Variants in TUBA1C observed in about 807,000 individuals in gnomAD.
TUBA1C encodes the protein tubulin alpha-1C chain.
TUBA1C carries 16 observed loss-of-function variants against 34.9 expected under a neutral mutation model. That is an observed-to-expected ratio of 0.46 (90% confidence interval 0.31 to 0.70). TUBA1C has a LOEUF of 0.70. Ranked by LOEUF, TUBA1C falls within the 30% of genes least tolerant of loss-of-function variation. The pLI is 0.05. For missense variants in TUBA1C, 329 were observed against 587.3 expected, an observed-to-expected ratio of 0.56 and a Z score of 4.55; for synonymous variants, 177 against 215.9, an observed-to-expected ratio of 0.82 and a Z score of 1.58.
chr12:49,270,934 G>C (rs1199285862), intron 3 of TUBA1C, among the ~76,000 whole-genome samples: 4 of 152,024 alleles, frequency 2.6e-5, no homozygotes, highest in East Asian at 3.9e-4. Context: ...AGCCGAGATC[G>C]TGCCACTGCA....
At chr12:49,259,067 A>T (rs1257026084) in intron 1 of TUBA1C, among the ~76,000 whole-genome samples, 1 of 151,954 alleles carries the variant, frequency 6.6e-6, no homozygotes, top group Non-Finnish European at 1.5e-5. Context: ...CCAAAAATGA[A>T]AAATTTTTTT....
At chr12:49,267,303 A>T (rs1942927648) in intron 1 of TUBA1C, among the ~76,000 whole-genome samples, 1 of 152,240 alleles carries the variant, frequency 6.6e-6, no homozygotes, top group African/African-American at 2.4e-5. Flanking sequence ...GGGGGCCATC[A>T]TGATCAGGTA....
chr12:49,243,886 G>A (rs1409596208), intron 1 of TUBA1C, among the ~76,000 whole-genome samples: 3 of 151,984 alleles, frequency 2.0e-5, no homozygotes, highest in Admixed American at 6.6e-5. Flanking sequence ...ATGGTGGCTC[G>A]TGCCTATAAT....
chr12:49,249,316 A>G (rs1942708879), intron 1 of TUBA1C, among the ~76,000 whole-genome samples: 1 of 151,968 alleles, frequency 6.6e-6, no homozygotes, highest in Non-Finnish European at 1.5e-5. Context: ...AATCCCAGGT[A>G]CTCGGGAGGT....
At chr12:49,252,829 C>T (rs1942744553) in intron 1 of TUBA1C, among the ~76,000 whole-genome samples, 1 of 152,172 alleles carries the variant, frequency 6.6e-6, no homozygotes, top group Admixed American at 6.6e-5. Flanking sequence ...AGGAGAATCA[C>T]TTGAACCCGG....
intron 1 of TUBA1C, among the ~76,000 whole-genome samples, chr12:49,242,646 T>C (rs1238003575): frequency 6.6e-6 from 1 of 151,780 alleles, no homozygotes; most frequent in African/African-American, 2.4e-5. Flanking sequence ...TTCCAGCTAA[T>C]TTTTTTGTTG....
At chr12:49,258,794 G>A (rs960839962) in intron 1 of TUBA1C, among the ~76,000 whole-genome samples, 2 of 144,854 alleles carry the variant, frequency 1.4e-5, no homozygotes, top group Non-Finnish European at 3.0e-5. Flanking sequence ...TTTGCTCTTG[G>A]TGCCCAGGCT....
chr12:49,240,334 A>G (rs1942601954), intron 1 of TUBA1C, among the ~76,000 whole-genome samples: 1 of 151,376 alleles, frequency 6.6e-6, no homozygotes, highest in South Asian at 2.1e-4. Context: ...CACTAAATTC[A>G]GTAGTTTCTA....
At chr12:49,252,725 C>G (rs910438716) in intron 1 of TUBA1C, among the ~76,000 whole-genome samples, 2 of 152,162 alleles carry the variant, frequency 1.3e-5, no homozygotes, top group Non-Finnish European at 2.9e-5. Flanking sequence ...TCCTCACTAA[C>G]ATGGTGAAAC....
intron 1 of TUBA1C, among the ~76,000 whole-genome samples, chr12:49,237,733 C>T (rs557433014): frequency 1.1e-4 from 15 of 139,482 alleles, no homozygotes; most frequent in African/African-American, 4.1e-4. Flanking sequence ...GACAGAGACC[C>T]TGTCAAAAAA....
At position 49,269,654 on chromosome 12, in the gene TUBA1C, G is replaced by A; in HGVS notation, c.193G>A (p.Ala65Thr). The A allele has an allele frequency of 2.5e-6, 4 of 1,614,188 alleles. No individual in the cohort carries two copies. Among genetic ancestry groups the A allele is most frequent in the Non-Finnish European group, 3.4e-6 (4 of 1,180,030 alleles). ...GGGTGCTGGCAAGCATGTGCCCCGG[G>A]CAGTGTTTGTAGACTTGGAACCCAC... is the stretch of plus-strand genomic sequence containing the variant. ...ETGAGKHVPR[A>T]VFVDLEPTVI... The change falls in exon 2 of 4, where the codon GCA (alanine) becomes ACA (threonine). Residue 65 changes from alanine (A) to threonine (T), a missense_variant. Ala to Thr is a moderately conservative substitution (Grantham distance 58). Around this residue, in one of 4 missense-constraint regions of TUBA1C, gnomAD observed 152 missense variants for 240.3 expected, o/e 0.63. Coordinates refer to ENST00000301072, the MANE Select transcript of TUBA1C (RefSeq NM_032704.5).
chr12:49,273,142 G>A lies in TUBA1C; in HGVS notation c.1265G>A (p.Arg422His), dbSNP rs767307060. The stretch of plus-strand genomic sequence containing the variant: ...GAGGAAGGCGAGTTTTCAGAGGCCC[G>A]TGAGGACATGGCTGCCCTTGAGAAG... ...GMEEGEFSEA[R>H]EDMAALEKDY... Residue 422 changes from arginine (R) to histidine (H), a missense_variant, in exon 4 of 4, where the codon CGT becomes CAT. By Grantham distance (29) the Arg-to-His change is conservative. Coordinates refer to ENST00000301072, the MANE Select transcript of TUBA1C (RefSeq NM_032704.5). The A allele has an allele frequency of 8.7e-6, 14 of 1,614,102 alleles. No homozygotes were observed. Among genetic ancestry groups the A allele is most frequent in the South Asian group, 7.7e-5 (7 of 91,086 alleles).
Position 49,242,115 on chromosome 12 carries a change from G to A in TUBA1C, c.213+13949G>A, listed in dbSNP as rs1039121137. 3.3e-5 allele frequency among the ~76,000 whole-genome samples: 5 copies of A among 150,890 alleles called. No homozygotes were observed. The South Asian group carries it at 1.0e-3, about 32-fold the overall frequency. On this transcript the variant is annotated intron_variant, in intron 1 of 3. Transcript: ENST00000541364. ...AGTGATTCTCCTGCCTCAGCCTCCC[G>A]AGTAACTGGGATTACAGGTGCCCGC...
At chr12:49,255,129 T>C (rs1294506336) in intron 1 of TUBA1C, among the ~76,000 whole-genome samples, 1 of 151,914 alleles carries the variant, frequency 6.6e-6, no homozygotes, top group Non-Finnish European at 1.5e-5. Flanking sequence ...CAAATGCAGA[T>C]GGAGAAACTC....
chr12:49,255,857 C>T (rs199820221), intron 1 of TUBA1C, among the ~76,000 whole-genome samples: 7 of 152,240 alleles, frequency 4.6e-5, no homozygotes, highest in East Asian at 1.9e-4. Flanking sequence ...TGAGCCACCA[C>T]GCCCAGCCAG....
At chr12:49,237,737 C>CA (rs1453332823) in intron 1 of TUBA1C, among the ~76,000 whole-genome samples, 731 of 63,992 alleles carry the variant, frequency 0.011, 1 homozygote, top group Non-Finnish European at 0.016. Context: ...GAGACCCTGT[C>CA]AAAAAAAAAA....
chr12:49,249,427 CTAAA>C (rs1182019132), intron 1 of TUBA1C, among the ~76,000 whole-genome samples: 1 of 151,592 alleles, frequency 6.6e-6, no homozygotes, highest in Non-Finnish European at 1.5e-5. Context: ...AACTCCGTCT[CTAAA>C]TAAATAAATA....
chr12:49,243,786 C>T (rs1472250760), intron 1 of TUBA1C, among the ~76,000 whole-genome samples: 1 of 151,818 alleles, frequency 6.6e-6, no homozygotes, highest in Non-Finnish European at 1.5e-5. Flanking sequence ...CAGGCAGTTC[C>T]CTTTAAGGAA....
intron 1 of TUBA1C, among the ~76,000 whole-genome samples, chr12:49,240,845 C>T (rs1291773890): frequency 1.3e-5 from 2 of 152,172 alleles, no homozygotes; most frequent in Non-Finnish European, 2.9e-5. Context: ...GTTCTCCCAC[C>T]TCAGCCTCAC....
Sources: gnomAD v4.1 joint callset for allele counts (sites outside exome capture counted in the v4.1 genomes callset) on GRCh38, gnomAD v4.1.1 for gene constraint, gnomAD v4.1.1 regional missense constraint, MANE v1.5 for transcripts, NCBI Gene and HGNC (gene_info 2026-07-23, HGNC 2026-07-21) for gene names.